Variants in BMERB1 observed in about 807,000 individuals in gnomAD.
BMERB1 encodes the protein bMERB domain-containing protein 1.
Under a neutral mutation model 23.6 loss-of-function variants are expected in BMERB1, and 12 were observed. That is an observed-to-expected ratio of 0.51 (90% CI 0.33 to 0.82). BMERB1 has a LOEUF of 0.82. Among genes scored for constraint, BMERB1 ranks in the 40% least tolerant of loss-of-function variants. The probability of loss-of-function intolerance (pLI) is 0.03; values close to 1 mark genes in which losing one functional copy is unlikely to be tolerated. For missense variants in BMERB1, 247 were observed against 255.4 expected, an observed-to-expected ratio of 0.97 and a Z score of 0.22; for synonymous variants, 122 against 96.6, an observed-to-expected ratio of 1.26 and a Z score of -1.54.
Position 15,554,789 on chromosome 16 carries a change from C to T in BMERB1, c.231-13194C>T, listed in dbSNP as rs527650368. On this transcript the variant is annotated intron_variant, in intron 2 of 5. Coordinates refer to ENST00000300006, the MANE Select transcript of BMERB1 (RefSeq NM_033201.3). ...TCACGCCATTCTCCTGCCTCAGCCT[C>T]CCAAGTAGCTGGGACTACAGGTGCC... is the stretch of plus-strand genomic sequence containing the variant. 2.6e-5 allele frequency among the ~76,000 whole-genome samples: 4 copies of T among 151,994 alleles called. 1 individual carries two copies. Among genetic ancestry groups the T allele is most frequent in the African/African-American group, 9.6e-5 (4 of 41,468 alleles).
intron 1 of BMERB1, among the ~76,000 whole-genome samples, chr16:15,459,475 G>C (rs1440160024): frequency 6.6e-6 from 1 of 152,040 alleles, no homozygotes; most frequent in African/African-American, 2.4e-5. Context: ...AGCAGGAGTG[G>C]CTATATTAAT....
At chr16:15,444,586 G>A (rs921897444) in intron 1 of BMERB1, among the ~76,000 whole-genome samples, 5 of 152,170 alleles carry the variant, frequency 3.3e-5, no homozygotes, top group African/African-American at 7.2e-5. Flanking sequence ...GTTATTGATG[G>A]TAGCAGTGTG....
chr16:15,448,962 G>A lies in BMERB1; in HGVS notation c.106+14203G>A, dbSNP rs2051015555. Among the ~76,000 whole-genome samples the A allele has an allele frequency of 2.0e-5, 3 of 152,218 alleles. No homozygotes were observed. In the South Asian group the frequency reaches 6.2e-4, roughly 32 times the overall value. ...AGTGACAGTGTTGTGATGGGTATAG[G>A]CTGGGCTAGGTACTTTACACACCTT... On this transcript the variant is annotated intron_variant, in intron 1 of 5. Coordinates refer to ENST00000300006, the MANE Select transcript of BMERB1 (RefSeq NM_033201.3).
rs552929746 is a variant in BMERB1, at chr16:15,584,471, T to C, written c.502+1233T>C. Among the ~76,000 whole-genome samples, 18 of 148,814 alleles carry C rather than the reference T, an allele frequency of 1.2e-4. No homozygotes were observed. In the East Asian group the frequency reaches 3.4e-3, roughly 28 times the overall value. On this transcript the variant is annotated intron_variant, in intron 5 of 5. Transcript: ENST00000300006. ...TACTCGGGAAGCTGAGGCAGGAGAA[T>C]GGCGTGAACTGGGGAGGCGGAGCTT... is the stretch of plus-strand genomic sequence containing the variant.
chr16:15,580,837 A>G (rs774400896), intron 3 of BMERB1, among the ~76,000 whole-genome samples: 33 of 148,616 alleles, frequency 2.2e-4, no homozygotes, highest in South Asian at 8.6e-4. Flanking sequence ...GAGCCACCGC[A>G]CCCGGCCAGC....
chr16:15,479,750 A>G (rs1160607231), intron 1 of BMERB1, among the ~76,000 whole-genome samples: 1 of 151,944 alleles, frequency 6.6e-6, no homozygotes, highest in Non-Finnish European at 1.5e-5. Flanking sequence ...CATGTTACCT[A>G]TGTTACCATG....
chr16:15,586,445 A>G (rs1486178092), intron 5 of BMERB1, among the ~76,000 whole-genome samples: 1 of 152,214 alleles, frequency 6.6e-6, no homozygotes, highest in East Asian at 1.9e-4. Context: ...GGCAGGTACA[A>G]TGATGATAAC....
intron 1 of BMERB1, among the ~76,000 whole-genome samples, chr16:15,452,933 G>A (rs2051054492): frequency 2.0e-5 from 3 of 152,112 alleles, no homozygotes; most frequent in Non-Finnish European, 4.4e-5. Flanking sequence ...AAAGAACAAT[G>A]GATGCTTGCA....
At chr16:15,502,217 C>G in intron 1 of BMERB1, 1 of 1,411,378 alleles carries the variant, frequency 7.1e-7, no homozygotes, top group Non-Finnish European at 9.8e-7. Flanking sequence ...GCTGGGGAAA[C>G]AGAAACTCGC....
chr16:15,518,913 C>T (rs1598490106), intron 2 of BMERB1, among the ~76,000 whole-genome samples: 1 of 152,074 alleles, frequency 6.6e-6, no homozygotes, highest in East Asian at 1.9e-4. Flanking sequence ...CAAGATAATT[C>T]CTTCAAGTTT....
Position 15,434,857 on chromosome 16 carries a change from C to T in BMERB1, c.106+98C>T, listed in dbSNP as rs1161533612. 8 of 1,018,884 alleles carry T rather than the reference C, an allele frequency of 7.9e-6. No individual in the cohort carries two copies. The East Asian group carries it at 1.0e-4, about 13-fold the overall frequency. 63.1% of individuals were successfully genotyped at this position (1,018,884 alleles called of 1,614,324 possible). On this transcript the variant is annotated intron_variant, in intron 1 of 5. Coordinates refer to ENST00000300006, the MANE Select transcript of BMERB1 (RefSeq NM_033201.3). ...AGCGCGAGGAACGCCAGCAGTGGAC[C>T]CAGGGAAGCGCCCCCGCAGCGGGGC...
At chr16:15,565,025 TAATA>T (rs961704261) in intron 2 of BMERB1, among the ~76,000 whole-genome samples, 3 of 151,126 alleles carry the variant, frequency 2.0e-5, no homozygotes, top group South Asian at 2.1e-4. Context: ...GAACAGTGGT[TAATA>T]AATAGTTTTA....
At chr16:15,519,060 C>G (rs2051814729) in intron 2 of BMERB1, among the ~76,000 whole-genome samples, 1 of 130,914 alleles carries the variant, frequency 7.6e-6, no homozygotes. Context: ...CCATCCTTAC[C>G]CCAACAATCC....
Position 15,454,372 on chromosome 16 carries a change from C to T in BMERB1, c.106+19613C>T, listed in dbSNP as rs144159286. ...GAAACCGAGGCAGTGTTGCTTCCTT[C>T]GAGGAAGACAGAGTTGCTTCCTTTC... On this transcript the variant is annotated intron_variant, in intron 1 of 5. Transcript: ENST00000300006. 5.2e-3 allele frequency among the ~76,000 whole-genome samples: 794 copies of T among 152,286 alleles called. 4 individuals are homozygous for T. The highest frequency in any genetic ancestry group is 0.018 in the African/African-American group (747 of 41,556).
At chr16:15,584,694 T>C (rs2031098948) in intron 5 of BMERB1, among the ~76,000 whole-genome samples, 1 of 152,174 alleles carries the variant, frequency 6.6e-6, no homozygotes. Context: ...CCCCTCCTTT[T>C]CTTCTTTTTC....
At chr16:15,457,907 CCTT>C (rs2051098821) in intron 1 of BMERB1, among the ~76,000 whole-genome samples, 2 of 152,170 alleles carry the variant, frequency 1.3e-5, no homozygotes, top group Admixed American at 6.5e-5. Context: ...GCAAACATAT[CCTT>C]CTTCACAGGG....
chr16:15,514,316 T>C (rs2051717501), intron 1 of BMERB1, among the ~76,000 whole-genome samples: 1 of 152,238 alleles, frequency 6.6e-6, no homozygotes, highest in African/African-American at 2.4e-5. Flanking sequence ...AGTATTACTA[T>C]AAGATAATTA....
chr16:15,501,378 C>T (rs1026756180), intron 1 of BMERB1, among the ~76,000 whole-genome samples: 4 of 151,254 alleles, frequency 2.6e-5, no homozygotes, highest in Non-Finnish European at 4.4e-5. Context: ...CTGCAACCTC[C>T]GCCTCCCAGG....
At chr16:15,568,351 A>G (rs912881701) in intron 3 of BMERB1, among the ~76,000 whole-genome samples, 2 of 152,170 alleles carry the variant, frequency 1.3e-5, no homozygotes, top group Non-Finnish European at 2.9e-5. Context: ...TAAATATCCT[A>G]AAGAGGCTGG....
Sources: gnomAD v4.1 joint callset for allele counts (sites outside exome capture counted in the v4.1 genomes callset) on GRCh38, gnomAD v4.1.1 for gene constraint, MANE v1.5 for transcripts, NCBI Gene and HGNC (gene_info 2026-07-23, HGNC 2026-07-21) for gene names.